CTDSP2: variants seen among roughly 807,000 people sequenced by gnomAD.
CTDSP2 encodes the protein carboxy-terminal domain RNA polymerase II polypeptide A small phosphatase 2.
CTDSP2 carries 9 observed loss-of-function variants against 31.6 expected under a neutral mutation model. The observed-to-expected ratio is 0.28, with a 90% CI of 0.17 to 0.50. The LOEUF (loss-of-function observed/expected upper bound fraction) is 0.50. Ranked by LOEUF, CTDSP2 falls within the 20% of genes least tolerant of loss-of-function variation. The probability of loss-of-function intolerance (pLI) is 0.98; values close to 1 mark genes in which losing one functional copy is unlikely to be tolerated. For missense variants in CTDSP2, 267 were observed against 348.5 expected, an observed-to-expected ratio of 0.77 and a Z score of 1.86; for synonymous variants, 134 against 134.5, an observed-to-expected ratio of 1.00 and a Z score of 0.03.
In CTDSP2 at chr12:57,846,594, A is replaced by T; in HGVS notation, c.-159T>A. On this transcript the variant is annotated 5_prime_UTR_variant, in exon 1 of 8. Transcript: ENST00000398073. ...CCTCTCGTTTCCTCCCCGGACCGGG[A>T]AGGGAGGCGGCCTGTACAAAGGGCG... The T allele has an allele frequency of 1.7e-6, 1 of 605,004 alleles. No individual in the cohort carries two copies. The highest frequency in any genetic ancestry group is 2.6e-6 in the Non-Finnish European group (1 of 381,176). The allele number at this position is 605,004 out of a possible 1,614,324, so 37.5% of individuals were successfully genotyped here. A position where few individuals can be genotyped will look rare whatever the true frequency, so the allele number is the denominator to read the frequency against.
At chr12:57,828,580 T>A (rs2079044777) in intron 2 of CTDSP2, among the ~76,000 whole-genome samples, 2 of 152,260 alleles carry the variant, frequency 1.3e-5, no homozygotes, top group African/African-American at 4.8e-5. Context: ...AATTACACAC[T>A]CTGCCTTTTT....
intron 1 of CTDSP2, among the ~76,000 whole-genome samples, chr12:57,838,012 G>A (rs913327977): frequency 6.6e-6 from 1 of 152,172 alleles, no homozygotes; most frequent in African/African-American, 2.4e-5. Flanking sequence ...TTTGGGAGCA[G>A]GGGATTTCTG....
chr12:57,844,449 C>A (rs543733175), intron 1 of CTDSP2, among the ~76,000 whole-genome samples: 4 of 152,276 alleles, frequency 2.6e-5, no homozygotes, highest in African/African-American at 7.2e-5. Context: ...CGTGGCCCCA[C>A]GATGCCCAAG....
intron 7 of CTDSP2, 76 bp from the exon 8 acceptor site, chr12:57,823,803 G>A: frequency 6.2e-7 from 1 of 1,609,396 alleles, no homozygotes; most frequent in Non-Finnish European, 8.5e-7. Context: ...CTAGAGGGTG[G>A]CTGGGTCTTC....
chr12:57,834,278 C>T (rs1271820376), intron 1 of CTDSP2, among the ~76,000 whole-genome samples: 2 of 152,158 alleles, frequency 1.3e-5, no homozygotes, highest in Non-Finnish European at 2.9e-5. Flanking sequence ...ATCCTCCTAC[C>T]TCAGCCTCCC....
In CTDSP2 at chr12:57,823,657, T is replaced by C. The variant is rs763413608; in HGVS notation, c.761A>G (p.Glu254Gly). Reference sequence around the variant, plus strand: ...GTAGACGTCCTCTGCTCCGCTCAGCTCCTCAAAGATTGGGATCAGGTTCAG... The same window carrying C: ...GTAGACGTCCTCTGCTCCGCTCAGCCCCTCAAAGATTGGGATCAGGTTCAG... ...ELLNLIPIFE[E>G]LSGAEDVYTS... The change falls in exon 8 of 8, where the codon GAG (glutamate) becomes GGG (glycine). Residue 254 changes from glutamate (E) to glycine (G), a missense_variant. Coordinates refer to ENST00000398073, the MANE Select transcript of CTDSP2 (RefSeq NM_005730.4). 2 of 1,614,086 alleles carry C rather than the reference T, an allele frequency of 1.2e-6. No homozygotes were observed. Among genetic ancestry groups the C allele is most frequent in the Admixed American group, 3.3e-5 (2 of 60,020 alleles).
rs747460208 is a variant in CTDSP2 at position 57,846,359 on chromosome 12, T to C, written c.64+13A>G. The stretch of plus-strand genomic sequence containing the variant: ...GGGGGCGACGCAAAGTTTTGGGAAG[T>C]TGCTGCCCCTACCTTGCTTGGTGAG... On this transcript the variant is annotated intron_variant, in intron 1 of 7. Transcript: ENST00000398073. The C allele has an allele frequency of 5.6e-5, 89 of 1,603,584 alleles. No homozygotes were observed. The highest frequency in any genetic ancestry group is 3.9e-4 in the Admixed American group (23 of 59,028).
At chr12:57,844,106 A>C (rs1001679861) in intron 1 of CTDSP2, among the ~76,000 whole-genome samples, 2 of 151,956 alleles carry the variant, frequency 1.3e-5, no homozygotes, top group Non-Finnish European at 2.9e-5. Context: ...GAGGCAGGAG[A>C]ATTGCTTGAA....
At chr12:57,838,086 C>T (rs770978299) in intron 1 of CTDSP2, among the ~76,000 whole-genome samples, 2 of 152,168 alleles carry the variant, frequency 1.3e-5, no homozygotes, top group Non-Finnish European at 2.9e-5. Flanking sequence ...AAACACCCTC[C>T]TGGGCAGCTC....
At chr12:57,827,820 C>G (rs1160835621) in intron 2 of CTDSP2, among the ~76,000 whole-genome samples, 1 of 152,184 alleles carries the variant, frequency 6.6e-6, no homozygotes, top group Non-Finnish European at 1.5e-5. Flanking sequence ...ACAAGTGTCC[C>G]TGTTCTCGGC....
chr12:57,823,213 T>C lies in CTDSP2; in HGVS notation c.*389A>G, dbSNP rs560675475. 8.5e-5 allele frequency: 21 copies of C among 248,198 alleles called. No individual in the cohort carries two copies. Among genetic ancestry groups the C allele is most frequent in the Non-Finnish European group, 1.2e-4 (15 of 123,530 alleles). 15.4% of individuals were successfully genotyped at this position (248,198 alleles called of 1,614,324 possible). A position where few individuals can be genotyped will look rare whatever the true frequency, so the allele number is the denominator to read the frequency against. On this transcript the variant is annotated 3_prime_UTR_variant, in exon 8 of 8. Transcript: ENST00000398073. ...CATGGTTTGGCAATGGAGTCTTCAA[T>C]AGTCTTCATCCCTACACAACTCAGT...
chr12:57,823,774 C>A, intron 7 of CTDSP2, 47 bp from the exon 8 acceptor site: 1 of 1,612,248 alleles, frequency 6.2e-7, no homozygotes, highest in Non-Finnish European at 8.5e-7. Context: ...GCTGCTTCCC[C>A]CTCCCTCGCC....
intron 1 of CTDSP2, among the ~76,000 whole-genome samples, chr12:57,832,397 C>A (rs564846638): frequency 8.5e-5 from 13 of 152,238 alleles, no homozygotes; most frequent in African/African-American, 2.9e-4. Context: ...CTCAAAGAGT[C>A]CAGGATAAGC....
intron 5 of CTDSP2, 67 bp from the exon 6 acceptor site, chr12:57,824,386 T>C: frequency 8.5e-7 from 1 of 1,178,914 alleles, no homozygotes; most frequent in Non-Finnish European, 1.3e-6. Flanking sequence ...CTGGGTACCT[T>C]CACCAGTTAC....
intron 1 of CTDSP2, among the ~76,000 whole-genome samples, chr12:57,832,799 AAAAAAAAAAAAAAAAAAAAGGAAAAG>A (rs1223401725): frequency 4.9e-5 from 7 of 144,260 alleles, no homozygotes; most frequent in Admixed American, 6.7e-5. Flanking sequence ...CTAAAAAAAA[AAAAAAAAAAAAAAAAAAAAGGAAAAG>A]AAAAAGAAAA....
chr12:57,822,076 G>A lies in CTDSP2; in HGVS notation c.*1526C>T, dbSNP rs1246329367. The A allele has an allele frequency of 1.4e-4, 21 of 152,318 alleles. No individual in the cohort carries two copies. The highest frequency in any genetic ancestry group is 3.9e-4 in the African/African-American group (16 of 41,438). The allele number at this position is 152,318 out of a possible 1,614,324, so 9.4% of individuals were successfully genotyped here. Reference sequence around the variant, plus strand: ...GATACCTGCCTCCAGGGAACACAGAGATGGGAACAGGAGCGCCCTCCCACC... The same window carrying A: ...GATACCTGCCTCCAGGGAACACAGAAATGGGAACAGGAGCGCCCTCCCACC... On this transcript the variant is annotated 3_prime_UTR_variant, in exon 8 of 8. Transcript: ENST00000398073.
At chr12:57,830,292 G>C (rs1595190168) in intron 1 of CTDSP2, among the ~76,000 whole-genome samples, 1 of 152,172 alleles carries the variant, frequency 6.6e-6, no homozygotes, top group Non-Finnish European at 1.5e-5. Context: ...GGCTGAGGCA[G>C]GAGAATGGCG....
At chr12:57,826,220 G>A (rs1468583639) in intron 5 of CTDSP2, 126 bp downstream of exon 5, 2 of 617,282 alleles carry the variant, frequency 3.2e-6, no homozygotes, top group Non-Finnish European at 5.4e-6. Flanking sequence ...GGGGAGGCTG[G>A]AGTTATAGAA....
chr12:57,842,066 A>C (rs1223434000), intron 1 of CTDSP2, among the ~76,000 whole-genome samples: 2 of 152,154 alleles, frequency 1.3e-5, no homozygotes, highest in Admixed American at 1.3e-4. Context: ...CCAATCTAAG[A>C]ACCAAACTTA....
Sources: allele counts gnomAD v4.1 joint callset (sites outside exome capture counted in the v4.1 genomes callset), GRCh38; gene constraint gnomAD v4.1.1; transcripts MANE v1.5; gene names NCBI Gene and HGNC (gene_info 2026-07-23, HGNC 2026-07-21).